The following IL1RAPL1 variants were observed in gnomAD, a reference collection of about 807,000 sequenced individuals.
IL1RAPL1 encodes interleukin-1 receptor accessory protein-like 1.
IL1RAPL1 carries 3 observed loss-of-function variants against 48.4 expected under a neutral mutation model. The observed-to-expected ratio is 0.06, with a 90% confidence interval of 0.03 to 0.16. The LOEUF (loss-of-function observed/expected upper bound fraction) is 0.16, where lower values mean the gene tolerates loss of function less well. Among genes scored for constraint, IL1RAPL1 ranks in the 10% least tolerant of loss-of-function variants. The pLI, the probability that IL1RAPL1 is intolerant of heterozygous loss-of-function variation, is 1.00. For synonymous variants in IL1RAPL1, 185 were observed against 187.7 expected (o/e 0.99, Z 0.12); for missense variants, 349 against 530.6 (o/e 0.66, Z 3.36).
intron 5 of IL1RAPL1, among the ~76,000 whole-genome samples, chrX:29,662,479 C>A (rs760111525): frequency 1.4e-3 from 154 of 112,148 alleles, no homozygotes; most frequent in Non-Finnish European, 2.1e-3. Context: ...TTTGCATCTC[C>A]TTCTCTGGAA....
At position 29,579,592 on chromosome X, in the gene IL1RAPL1, G is replaced by A. The variant is rs760795275; in HGVS notation, c.704-88838G>A. Among the ~76,000 whole-genome samples the A allele has an allele frequency of 1.2e-3, 131 of 111,988 alleles. 1 individual carries two copies. The highest frequency in any genetic ancestry group is 3.9e-3 in the African/African-American group (121 of 30,928). Reference sequence around the variant, plus strand: ...CCATTTTTTCCCAAGGGCAAGATGTGTTTTAAAATTCATTAGTTAAGGACT... The same window carrying A: ...CCATTTTTTCCCAAGGGCAAGATGTATTTTAAAATTCATTAGTTAAGGACT... On this transcript the variant is annotated intron_variant, in intron 5 of 10. Transcript: ENST00000378993.
At chrX:29,832,688 G>A (rs1440836633) in intron 6 of IL1RAPL1, among the ~76,000 whole-genome samples, 1 of 105,453 alleles carries the variant, frequency 9.5e-6, no homozygotes. Flanking sequence ...CTCTGTAAAT[G>A]CTGTTTTTTT....
intron 2 of IL1RAPL1, among the ~76,000 whole-genome samples, chrX:28,819,967 G>GATATATATATAT (rs764635166): frequency 3.0e-4 from 8 of 26,744 alleles, no homozygotes; most frequent in Non-Finnish European, 6.4e-4. Flanking sequence ...TAAACATAGT[G>GATATATATATAT]ATATATATAT....
chrX:29,833,753 A>G (rs909202011), intron 6 of IL1RAPL1, among the ~76,000 whole-genome samples: 1 of 111,946 alleles, frequency 8.9e-6, no homozygotes, highest in Non-Finnish European at 1.9e-5. Flanking sequence ...GGTGTTTTCA[A>G]TCTCATCAGG....
chrX:28,659,210 G>A, intron 1 of IL1RAPL1: 1 of 758,802 alleles, frequency 1.3e-6, no homozygotes, highest in Admixed American at 2.3e-5. Flanking sequence ...ACCGATAGCT[G>A]CACTCTGGAA....
At chrX:29,099,634 C>T (rs775109766) in intron 2 of IL1RAPL1, among the ~76,000 whole-genome samples, 5 of 111,275 alleles carry the variant, frequency 4.5e-5, no homozygotes, top group Non-Finnish European at 9.4e-5. Context: ...CTCCGTTAGT[C>T]GATAATGTAC....
intron 6 of IL1RAPL1, among the ~76,000 whole-genome samples, chrX:29,697,778 C>A (rs1463023103): frequency 9.0e-6 from 1 of 111,515 alleles, no homozygotes; most frequent in Admixed American, 9.6e-5. Context: ...GCTCACTGCT[C>A]TCCTTCACAG....
chrX:29,686,534 G>GATTTATTTATTTATTT (rs71956626), intron 6 of IL1RAPL1, among the ~76,000 whole-genome samples: 4 of 83,332 alleles, frequency 4.8e-5, no homozygotes, highest in Non-Finnish European at 6.8e-5. Context: ...CCCCCCTAAA[G>GATTTATTTATTTATTT]ATTTATTTAT....
chrX:28,787,757 C>T (rs1195096419), intron 1 of IL1RAPL1, among the ~76,000 whole-genome samples: 1 of 110,808 alleles, frequency 9.0e-6, no homozygotes, highest in Non-Finnish European at 1.9e-5. Context: ...CTGGGAGAAC[C>T]CAAAATGTGA....
intron 2 of IL1RAPL1, among the ~76,000 whole-genome samples, chrX:28,951,743 G>A (rs953184678): frequency 1.8e-5 from 2 of 111,564 alleles, no homozygotes; most frequent in South Asian, 3.7e-4. Context: ...AAAAAAGTGC[G>A]ATTGACAAAG....
In IL1RAPL1 at chrX:29,808,477, C is replaced by A. The variant is rs183064414; in HGVS notation, c.779-108987C>A. Among the ~76,000 whole-genome samples, 755 of 111,391 alleles carry A rather than the reference C, an allele frequency of 6.8e-3. 3 individuals are homozygous for A. The highest frequency in any genetic ancestry group is 0.01 in the Non-Finnish European group (546 of 52,972). ...GGTTCAGTATGTTTGTTATTAATTT[C>A]CATCACCGCTCCATGTGTGCTTGGA... On this transcript the variant is annotated intron_variant, in intron 6 of 10. Transcript: ENST00000378993.
chrX:29,467,150 C>T (rs1025724978), intron 5 of IL1RAPL1, among the ~76,000 whole-genome samples: 1 of 111,464 alleles, frequency 9.0e-6, no homozygotes. Flanking sequence ...TTTATTTGTC[C>T]CCCTGGAGTT....
chrX:29,320,188 A>G (rs1262070496), intron 3 of IL1RAPL1, among the ~76,000 whole-genome samples: 1 of 112,465 alleles, frequency 8.9e-6, no homozygotes, highest in African/African-American at 3.2e-5. Context: ...CTGGAAATGT[A>G]GAGGTCATCC....
At chrX:29,051,152 G>C (rs983788433) in intron 2 of IL1RAPL1, among the ~76,000 whole-genome samples, 3 of 112,172 alleles carry the variant, frequency 2.7e-5, no homozygotes, top group Admixed American at 9.5e-5. Flanking sequence ...ATCCCTCTCT[G>C]TCAAACCGGA....
At position 28,958,036 on chromosome X, in the gene IL1RAPL1, C is replaced by T. The variant is rs974949274; in HGVS notation, c.82+168611C>T. ...TTGTATATATTTATTGTGGACAACA[C>T]GATGTTTTGAAATATGCATACATTT... On this transcript the variant is annotated intron_variant, in intron 2 of 10. Coordinates refer to ENST00000378993, the MANE Select transcript of IL1RAPL1 (RefSeq NM_014271.4). 1.1e-4 allele frequency among the ~76,000 whole-genome samples: 12 copies of T among 111,044 alleles called. No individual in the cohort carries two copies. In the East Asian group the frequency reaches 2.0e-3, roughly 18 times the overall value.
At chrX:29,349,833 A>G (rs1001766005) in intron 3 of IL1RAPL1, among the ~76,000 whole-genome samples, 4 of 109,227 alleles carry the variant, frequency 3.7e-5, no homozygotes, top group African/African-American at 1.3e-4. Context: ...GCGGCAGTAT[A>G]ATATCTTCAT....
chrX:29,802,820 T>C (rs1929980733), intron 6 of IL1RAPL1, among the ~76,000 whole-genome samples: 11 of 52,823 alleles, frequency 2.1e-4, no homozygotes, highest in African/African-American at 8.8e-4. Context: ...TGTGTGTATA[T>C]ATATGTATAC....
intron 3 of IL1RAPL1, among the ~76,000 whole-genome samples, chrX:29,330,617 C>T (rs891251625): frequency 1.3e-4 from 15 of 111,216 alleles, no homozygotes; most frequent in Non-Finnish European, 1.9e-5. Context: ...CCTACCTCTC[C>T]TACAGTTTCC....
chrX:28,669,575 A>C (rs1430844959), intron 1 of IL1RAPL1, among the ~76,000 whole-genome samples: 1 of 107,286 alleles, frequency 9.3e-6, no homozygotes. Flanking sequence ...CGGAGATTGC[A>C]CTACTGCACT....
Sources: gnomAD v4.1 joint callset for allele counts (sites outside exome capture counted in the v4.1 genomes callset) on GRCh38, gnomAD v4.1.1 for gene constraint, MANE v1.5 for transcripts, NCBI Gene and HGNC (gene_info 2026-07-23, HGNC 2026-07-21) for gene names.